The following TMEM232 variants were observed in gnomAD, a reference collection of about 807,000 sequenced individuals.
The protein encoded by TMEM232 is transmembrane protein 232.
In TMEM232, 80 loss-of-function variants were observed where a neutral mutation model predicts 78.8. That is an observed-to-expected ratio of 1.01 (90% CI 0.85 to 1.22). The LOEUF (loss-of-function observed/expected upper bound fraction) is 1.22. Ranked by LOEUF, TMEM232 falls within the 50% of genes most tolerant of loss-of-function variation. The probability of loss-of-function intolerance (pLI) is 0.00; values close to 1 mark genes in which losing one functional copy is unlikely to be tolerated. For missense variants in TMEM232, 881 were observed against 742.2 expected (o/e 1.19, Z -2.17); for synonymous variants, 297 against 254.3 (o/e 1.17, Z -1.60).
chr5:110,677,280 T>C (rs1345508119), intron 1 of TMEM232, among the ~76,000 whole-genome samples: 2 of 152,114 alleles, frequency 1.3e-5, no homozygotes, highest in African/African-American at 4.8e-5. Flanking sequence ...CCCTTAAATA[T>C]AATGGATATT....
intron 1 of TMEM232, among the ~76,000 whole-genome samples, chr5:110,707,421 G>A (rs1257725103): frequency 1.3e-5 from 2 of 152,204 alleles, no homozygotes; most frequent in Admixed American, 1.3e-4. Flanking sequence ...ACAAAGCTCT[G>A]CTGGGCACAG....
intron 2 of TMEM232, among the ~76,000 whole-genome samples, chr5:110,665,386 A>G (rs1457852922): frequency 6.6e-6 from 1 of 152,170 alleles, no homozygotes; most frequent in Non-Finnish European, 1.5e-5. Context: ...ACTGCTATAA[A>G]GATACGACTT....
chr5:110,709,281 T>A (rs547726498), intron 1 of TMEM232, among the ~76,000 whole-genome samples: 1 of 152,136 alleles, frequency 6.6e-6, no homozygotes, highest in African/African-American at 2.4e-5. Flanking sequence ...AGCGAATGAA[T>A]AGCTGGAGAC....
In TMEM232 at chr5:110,419,916, G is replaced by C. The variant is rs1443140058; in HGVS notation, c.*664C>G. On this transcript the variant is annotated 3_prime_UTR_variant, in exon 14 of 14. Transcript: ENST00000455884. ...ATGAATGTCTTCAGCAGTTGCTCCT[G>C]GACCTTCCAGGTTCATAAGAATTCA... Among the ~76,000 whole-genome samples, 4 of 151,992 alleles carry C rather than the reference G, an allele frequency of 2.6e-5. No homozygotes were observed. Among genetic ancestry groups the C allele is most frequent in the Non-Finnish European group, 5.9e-5 (4 of 67,960 alleles).
intron 2 of TMEM232, among the ~76,000 whole-genome samples, chr5:110,647,483 T>C (rs1164919074): frequency 2.6e-5 from 4 of 151,998 alleles, no homozygotes; most frequent in African/African-American, 7.2e-5. Flanking sequence ...AAAATACGTA[T>C]GTTATTATTG....
chr5:110,664,151 A>G (rs1433310356), intron 2 of TMEM232, among the ~76,000 whole-genome samples: 6 of 152,240 alleles, frequency 3.9e-5, no homozygotes, highest in South Asian at 4.1e-4. Context: ...AAAAATAAAA[A>G]TATAAAAAAA....
intron 2 of TMEM232, among the ~76,000 whole-genome samples, chr5:110,404,868 G>A (rs1268326519): frequency 6.6e-6 from 1 of 151,974 alleles, no homozygotes; most frequent in Non-Finnish European, 1.5e-5. Context: ...TTGATGAAGA[G>A]ACTCGGCAGG....
chr5:110,647,316 T>C (rs916197648), intron 2 of TMEM232, among the ~76,000 whole-genome samples: 3 of 151,924 alleles, frequency 2.0e-5, no homozygotes, highest in African/African-American at 7.2e-5. Context: ...TCAAAGAATG[T>C]CAGATGACCA....
At chr5:110,471,792 G>A (rs1436685871) in intron 12 of TMEM232, among the ~76,000 whole-genome samples, 1 of 151,902 alleles carries the variant, frequency 6.6e-6, no homozygotes, top group East Asian at 1.9e-4. Context: ...CCTTTGAGTA[G>A]AAACAAAGTT....
At chr5:110,429,491 G>A (rs908577703) in intron 12 of TMEM232, among the ~76,000 whole-genome samples, 1 of 151,770 alleles carries the variant, frequency 6.6e-6, no homozygotes, top group Non-Finnish European at 1.5e-5. Flanking sequence ...TTAGGCAGGA[G>A]ATATTCCCCA....
chr5:110,581,152 G>T (rs951656525), intron 10 of TMEM232, among the ~76,000 whole-genome samples: 20 of 151,142 alleles, frequency 1.3e-4, no homozygotes, highest in African/African-American at 4.1e-4. Context: ...TACAGAAATA[G>T]AAAAAAAACA....
intron 8 of TMEM232, among the ~76,000 whole-genome samples, chr5:110,611,377 A>C (rs1782250667): frequency 6.6e-6 from 1 of 152,120 alleles, no homozygotes; most frequent in African/African-American, 2.4e-5. Context: ...CTGTCTGTTA[A>C]AAGGCTTTTT....
At chr5:110,711,056 ATTCAGTAAAGT>A (rs1796424595) in intron 1 of TMEM232, among the ~76,000 whole-genome samples, 1 of 152,262 alleles carries the variant, frequency 6.6e-6, no homozygotes, top group Non-Finnish European at 1.5e-5. Flanking sequence ...TGACGAACAA[ATTCAGTAAAGT>A]TGCAGAATAC....
At chr5:110,436,043 C>T (rs1004475756) in intron 12 of TMEM232, among the ~76,000 whole-genome samples, 3 of 151,906 alleles carry the variant, frequency 2.0e-5, no homozygotes, top group Non-Finnish European at 2.9e-5. Context: ...TAGTGCTCTC[C>T]ATAGTGGTTG....
intron 6 of TMEM232, among the ~76,000 whole-genome samples, chr5:110,626,934 A>T (rs1561412102): frequency 6.6e-6 from 1 of 152,022 alleles, no homozygotes; most frequent in Non-Finnish European, 1.5e-5. Flanking sequence ...ATGTTCCCCA[A>T]GATTTCATTC....
At chr5:110,504,723 G>C (rs1016981475) in intron 12 of TMEM232, among the ~76,000 whole-genome samples, 2 of 152,188 alleles carry the variant, frequency 1.3e-5, no homozygotes, top group African/African-American at 4.8e-5. Flanking sequence ...TAGCCTTTTT[G>C]TTCTATTCAG....
chr5:110,624,366 T>G (rs1361962384), intron 7 of TMEM232, among the ~76,000 whole-genome samples: 6 of 151,884 alleles, frequency 4.0e-5, no homozygotes, highest in African/African-American at 1.2e-4. Context: ...ATGATGGTGA[T>G]GATGATGATG....
chr5:110,556,169 C>A (rs1244868326), intron 11 of TMEM232, among the ~76,000 whole-genome samples: 1 of 152,082 alleles, frequency 6.6e-6, no homozygotes, highest in African/African-American at 2.4e-5. Context: ...TCTTGTAAGG[C>A]AGGTCTGGTG....
chr5:110,574,806 C>T (rs945382824), intron 10 of TMEM232, among the ~76,000 whole-genome samples: 1 of 152,040 alleles, frequency 6.6e-6, no homozygotes, highest in Non-Finnish European at 1.5e-5. Context: ...GCTCTATGTA[C>T]CTCTTCCTTT....
Sources: allele counts gnomAD v4.1 joint callset (sites outside exome capture counted in the v4.1 genomes callset), GRCh38; gene constraint gnomAD v4.1.1; transcripts MANE v1.5; gene names NCBI Gene and HGNC (gene_info 2026-07-23, HGNC 2026-07-21).